CACNB4: variants seen among roughly 807,000 people sequenced by gnomAD.
The protein encoded by CACNB4 is calcium voltage-gated channel auxiliary subunit beta 4, also known as voltage-dependent L-type calcium channel subunit beta-4.
Under a neutral mutation model 71.2 loss-of-function variants are expected in CACNB4, and 32 were observed. The ratio of observed to expected loss-of-function variants is 0.45; its 90% CI spans 0.34 to 0.60. CACNB4 has a LOEUF of 0.60. Among genes scored for constraint, CACNB4 ranks in the 20% least tolerant of loss-of-function variants. The pLI, the probability that CACNB4 is intolerant of heterozygous loss-of-function variation, is 0.01. For missense variants in CACNB4, 464 were observed against 647.9 expected (o/e 0.72, Z 3.08); for synonymous variants, 231 against 236.9 (o/e 0.97, Z 0.23).
At chr2:152,019,831 C>G (rs920213548) in intron 2 of CACNB4, among the ~76,000 whole-genome samples, 4 of 152,222 alleles carry the variant, frequency 2.6e-5, no homozygotes, top group African/African-American at 7.2e-5. Context: ...ATTAATTATT[C>G]TGGAAATGTC....
At chr2:151,854,314 G>A (rs1305891189) in intron 11 of CACNB4, 1 of 152,286 alleles carries the variant, frequency 6.6e-6, no homozygotes, top group Non-Finnish European at 1.5e-5. Context: ...CCATTCTACT[G>A]ATTCTCAAAA....
chr2:152,006,401 C>CTTTTTTTTTTTTTTTTTTT (rs60046879), intron 2 of CACNB4, among the ~76,000 whole-genome samples: 1 of 138,554 alleles, frequency 7.2e-6, no homozygotes, highest in African/African-American at 2.7e-5. Context: ...TCTTTTCTTT[C>CTTTTTTTTTTTTTTTTTTT]TTTTTTTTTT....
At chr2:151,937,789 G>A (rs142070740) in intron 2 of CACNB4, among the ~76,000 whole-genome samples, 26 of 152,198 alleles carry the variant, frequency 1.7e-4, no homozygotes, top group Admixed American at 2.6e-4. Flanking sequence ...TCCAAAGTCC[G>A]ACTTCTAATT....
At chr2:151,952,319 C>A (rs967886591) in intron 2 of CACNB4, among the ~76,000 whole-genome samples, 1 of 152,086 alleles carries the variant, frequency 6.6e-6, no homozygotes, top group Non-Finnish European at 1.5e-5. Flanking sequence ...TTTGAAGAGA[C>A]AGCTAGAAAT....
intron 2 of CACNB4, among the ~76,000 whole-genome samples, chr2:151,933,535 G>C (rs909480884): frequency 1.3e-5 from 2 of 151,976 alleles, no homozygotes; most frequent in Admixed American, 1.3e-4. Flanking sequence ...GGCTCAAAAA[G>C]ACCAAGCAAT....
intron 2 of CACNB4, among the ~76,000 whole-genome samples, chr2:151,995,648 G>A (rs1682000365): frequency 6.6e-6 from 1 of 152,210 alleles, no homozygotes; most frequent in African/African-American, 2.4e-5. Context: ...GGTGGAGCTT[G>A]CAGTGAGCCA....
chr2:152,011,290 C>T (rs2105065302), intron 2 of CACNB4, among the ~76,000 whole-genome samples: 1 of 152,298 alleles, frequency 6.6e-6, no homozygotes, highest in South Asian at 2.1e-4. Context: ...GGTCCCTCCA[C>T]CTTCTTCCTT....
At chr2:151,904,535 ACT>A (rs2099854281) in intron 2 of CACNB4, among the ~76,000 whole-genome samples, 1 of 117,782 alleles carries the variant, frequency 8.5e-6, no homozygotes, top group South Asian at 2.6e-4. Flanking sequence ...ATTAGAGATA[ACT>A]CTTTTTTTTT....
chr2:151,912,886 CTCT>C lies in CACNB4; in HGVS notation c.148-29519_148-29517del, dbSNP rs1215068897. Among the ~76,000 whole-genome samples, 6 of 151,636 alleles carry C rather than the reference CTCT, an allele frequency of 4.0e-5. No homozygotes were observed. In the East Asian group the frequency reaches 1.2e-3, roughly 29 times the overall value. Reference sequence around the variant, plus strand: ...GTGCATATATATTTAGAATAGTTAGCTCTTCTTGTTGAATTGTTCCCTTTACCA... The same window carrying C: ...GTGCATATATATTTAGAATAGTTAGCTCTTGTTGAATTGTTCCCTTTACCA... On this transcript the variant is annotated intron_variant, in intron 2 of 13. Transcript: ENST00000539935.
At chr2:151,980,880 C>T (rs553367129) in intron 2 of CACNB4, among the ~76,000 whole-genome samples, 65 of 152,202 alleles carry the variant, frequency 4.3e-4, no homozygotes, top group Admixed American at 1.0e-3. Flanking sequence ...ATTTATAGTG[C>T]GTTGATGGAG....
intron 2 of CACNB4, among the ~76,000 whole-genome samples, chr2:151,918,051 TGG>T: frequency 6.6e-6 from 1 of 151,854 alleles, no homozygotes; most frequent in East Asian, 1.9e-4. Context: ...TGAAAAAGGC[TGG>T]GGGGGAAAAG....
At position 151,884,551 on chromosome 2, in the gene CACNB4, C is replaced by T. The variant is rs541365660; in HGVS notation, c.148-1181G>A. Among the ~76,000 whole-genome samples the T allele has an allele frequency of 4.2e-5, 6 of 141,236 alleles. No homozygotes were observed. The East Asian group carries it at 8.8e-4, about 21-fold the overall frequency. The allele number at this position is 141,236 out of a possible 152,430, so 92.7% of individuals were successfully genotyped here. ...TCAGGAGGCTGAGGCAGGAGAATGG[C>T]GTGAACCCCGGAGGCGGAGCTTGCA... On this transcript the variant is annotated intron_variant, in intron 2 of 13. Transcript: ENST00000539935.
At chr2:151,883,228 C>T in intron 3 of CACNB4, 23 bp downstream of exon 3, 1 of 1,613,532 alleles carries the variant, frequency 6.2e-7, no homozygotes, top group East Asian at 2.2e-5. Context: ...ACTTTTGAGC[C>T]AAAGAGAAGG....
Position 152,008,642 on chromosome 2 carries a change from G to C in CACNB4, c.147+89688C>G, listed in dbSNP as rs533965417. 6.4e-4 allele frequency among the ~76,000 whole-genome samples: 97 copies of C among 152,218 alleles called. 1 individual carries two copies. Among genetic ancestry groups the C allele is most frequent in the Non-Finnish European group, 8.1e-4 (55 of 68,008 alleles). On this transcript the variant is annotated intron_variant, in intron 2 of 13. Coordinates refer to ENST00000539935, the MANE Select transcript of CACNB4 (RefSeq NM_000726.5). ...TGATAGAACCACGAACTTCCTGAAG[G>C]CAGAAACTGTGATATATAATTTATC...
intron 2 of CACNB4, among the ~76,000 whole-genome samples, chr2:151,960,658 G>A (rs1326533798): frequency 6.6e-6 from 1 of 152,138 alleles, no homozygotes; most frequent in Non-Finnish European, 1.5e-5. Flanking sequence ...CCAATCCTTG[G>A]CCAACTGGTC....
rs1356081661 is a variant in CACNB4, at chr2:151,923,043, T to TG, written c.148-39674dup. On this transcript the variant is annotated intron_variant, in intron 2 of 13. Coordinates refer to ENST00000539935, the MANE Select transcript of CACNB4 (RefSeq NM_000726.5). ...CAGAACTCTGAAGAAACAGCAAGGCTGGGCTCATTGCGGACTTGTCTGAAT... is the reference window on the plus strand; with the variant it reads ...CAGAACTCTGAAGAAACAGCAAGGCTGGGGCTCATTGCGGACTTGTCTGAAT... Among the ~76,000 whole-genome samples, 7 of 152,360 alleles carry TG rather than the reference T, an allele frequency of 4.6e-5. No homozygotes were observed. The East Asian group carries it at 1.3e-3, about 29-fold the overall frequency.
chr2:151,978,935 C>A (rs1032784214), intron 2 of CACNB4, among the ~76,000 whole-genome samples: 4 of 152,096 alleles, frequency 2.6e-5, no homozygotes, highest in African/African-American at 9.7e-5. Flanking sequence ...CTTGCCCAGA[C>A]CTCCTCCACC....
At chr2:151,964,386 G>A (rs1022316811) in intron 2 of CACNB4, among the ~76,000 whole-genome samples, 1 of 151,938 alleles carries the variant, frequency 6.6e-6, no homozygotes, top group Admixed American at 6.5e-5. Context: ...GCATAGAAAT[G>A]GATATCCACT....
chr2:151,842,140 G>GCCTA, intron 12 of CACNB4, 52 bp from the exon 13 acceptor site: 1 of 1,488,340 alleles, frequency 6.7e-7, no homozygotes, highest in Non-Finnish European at 9.3e-7. Flanking sequence ...TTTAGGCAAT[G>GCCTA]AAACCTAAAA....
Sources: allele counts gnomAD v4.1 joint callset (sites outside exome capture counted in the v4.1 genomes callset), GRCh38; gene constraint gnomAD v4.1.1; transcripts MANE v1.5; gene names NCBI Gene and HGNC (gene_info 2026-07-23, HGNC 2026-07-21).